DYSF: variants seen among roughly 807,000 people sequenced by gnomAD.
DYSF encodes the protein dystrophy-associated fer-1-like 1.
Under a neutral mutation model 274.9 loss-of-function variants are expected in DYSF, and 212 were observed. That is an observed-to-expected ratio of 0.77 (90% CI 0.69 to 0.86). The LOEUF (loss-of-function observed/expected upper bound fraction) is 0.86, where lower values mean the gene tolerates loss of function less well. Ranked by LOEUF, DYSF falls within the 40% of genes least tolerant of loss-of-function variation. The pLI is 0.00. For synonymous variants in DYSF, 1,091 were observed against 1,078.7 expected, an observed-to-expected ratio of 1.01 and a Z score of -0.22; for missense variants, 2,666 against 2,783.2, an observed-to-expected ratio of 0.96 and a Z score of 0.95.
chr2:71,480,458 G>A (rs1421773878), intron 1 of DYSF, among the ~76,000 whole-genome samples: 1 of 152,104 alleles, frequency 6.6e-6, no homozygotes, highest in African/African-American at 2.4e-5. Context: ...AGAGCCTGAG[G>A]TGAGAGGATA....
intron 36 of DYSF, among the ~76,000 whole-genome samples, chr2:71,608,679 A>T (rs1316469746): frequency 6.6e-6 from 1 of 152,098 alleles, no homozygotes; most frequent in East Asian, 1.9e-4. Flanking sequence ...AGGCTCCTGA[A>T]GATGCGGAGC....
At chr2:71,674,495 G>C (rs1162198180) in intron 52 of DYSF, among the ~76,000 whole-genome samples, 199 bp downstream of exon 52, 1 of 152,210 alleles carries the variant, frequency 6.6e-6, no homozygotes, top group Admixed American at 6.5e-5. Context: ...AGTGATTGGT[G>C]GCCACTGAGG....
chr2:71,655,397 A>G (rs1340049890), intron 42 of DYSF, among the ~76,000 whole-genome samples: 2 of 152,228 alleles, frequency 1.3e-5, no homozygotes, highest in Non-Finnish European at 2.9e-5. Flanking sequence ...ATGAGAAATA[A>G]TATTTGGAAA....
At chr2:71,495,729 G>C (rs746031624) in intron 3 of DYSF, among the ~76,000 whole-genome samples, 12 of 152,094 alleles carry the variant, frequency 7.9e-5, no homozygotes, top group Non-Finnish European at 1.5e-4. Flanking sequence ...CCCCAGCCCT[G>C]GTTCCTGCAC....
chr2:71,618,288 G>GA (rs2093971418), intron 40 of DYSF, among the ~76,000 whole-genome samples: 1 of 118,284 alleles, frequency 8.5e-6, no homozygotes, highest in Non-Finnish European at 1.8e-5. Context: ...TGGTAGAGGT[G>GA]TGTGTGTGGT....
At chr2:71,482,487 G>A (rs910190536) in intron 3 of DYSF, among the ~76,000 whole-genome samples, 4 of 152,130 alleles carry the variant, frequency 2.6e-5, no homozygotes, top group African/African-American at 9.7e-5. Context: ...CGGCCTGGGC[G>A]CTTCCCTGTG....
chr2:71,647,705 G>A (rs1558719114), intron 42 of DYSF, among the ~76,000 whole-genome samples: 1 of 152,190 alleles, frequency 6.6e-6, no homozygotes, highest in Non-Finnish European at 1.5e-5. Context: ...ATCTCAGAAA[G>A]CCTAGCAAAA....
intron 15 of DYSF, 29 bp downstream of exon 15, chr2:71,535,118 G>A (rs1334133863): frequency 6.2e-7 from 1 of 1,613,652 alleles, no homozygotes; most frequent in Non-Finnish European, 8.5e-7. Context: ...GCAAACCCAA[G>A]GAGGCCCCTG....
chr2:71,526,415 C>CGGGGGGGGGGGGGGGGGG, intron 13 of DYSF, 69 bp downstream of exon 13: 2 of 411,238 alleles, frequency 4.9e-6, no homozygotes, highest in East Asian at 8.3e-5. Context: ...TGGGGGTGGG[C>CGGGGGGGGGGGGGGGGGG]GATGGCGGGC....
intron 1 of DYSF, among the ~76,000 whole-genome samples, chr2:71,457,957 T>C (rs1026269791): frequency 6.6e-6 from 1 of 152,072 alleles, no homozygotes; most frequent in Non-Finnish European, 1.5e-5. Context: ...GGCGGGGGGC[T>C]CAGAAGAGCG....
chr2:71,456,198 T>A lies in DYSF; in HGVS notation c.88+2112T>A, dbSNP rs565707725. ...AGGGCCCAGAGCACACAGCTCACCT[T>A]GGGGAAAGGAAGTACATTTTCTGTG... On this transcript the variant is annotated intron_variant, in intron 1 of 54. Transcript: ENST00000258104. 3.9e-5 allele frequency among the ~76,000 whole-genome samples: 6 copies of A among 152,004 alleles called. No homozygotes were observed. The East Asian group carries it at 1.2e-3, about 30-fold the overall frequency.
intron 1 of DYSF, chr2:71,454,196 GC>G (rs1558905627): frequency 1.8e-6 from 2 of 1,114,702 alleles, no homozygotes; most frequent in Non-Finnish European, 1.3e-6. Context: ...AGACTTTCTG[GC>G]CCCGCCAGAC....
chr2:71,646,305 G>A (rs2094566734), intron 42 of DYSF, among the ~76,000 whole-genome samples: 1 of 152,244 alleles, frequency 6.6e-6, no homozygotes, highest in South Asian at 2.1e-4. Context: ...CTGCCAGGGT[G>A]GCCCATGGCC....
At chr2:71,672,120 A>T (rs1327192878) in intron 51 of DYSF, among the ~76,000 whole-genome samples, 1 of 150,164 alleles carries the variant, frequency 6.7e-6, no homozygotes, top group African/African-American at 2.5e-5. Context: ...GAGGCTGAGA[A>T]ACAGAAACAG....
intron 1 of DYSF, among the ~76,000 whole-genome samples, chr2:71,480,367 TAC>T (rs35040279): frequency 4.0e-5 from 6 of 149,952 alleles, no homozygotes; most frequent in African/African-American, 9.8e-5. Flanking sequence ...GGCCCCCGTC[TAC>T]ACACACACAC....
chr2:71,584,406 G>T (rs952586567), intron 30 of DYSF, among the ~76,000 whole-genome samples: 1 of 152,112 alleles, frequency 6.6e-6, no homozygotes, highest in Admixed American at 6.5e-5. Flanking sequence ...TCCTGAAGGG[G>T]CTTCCAAAGG....
At chr2:71,657,538 C>G (rs2094796441) in intron 43 of DYSF, among the ~76,000 whole-genome samples, 1 of 152,224 alleles carries the variant, frequency 6.6e-6, no homozygotes, top group Admixed American at 6.5e-5. Context: ...CAGAGGTTCT[C>G]CATAAGGGCC....
At chr2:71,466,132 C>T (rs374236812), upstream of DYSF, among the ~76,000 whole-genome samples, 1 of 152,174 alleles carries the variant, frequency 6.6e-6, no homozygotes, top group African/African-American at 2.4e-5. Flanking sequence ...GAACGGCCAC[C>T]TAGACAGCCT....
intron 48 of DYSF, among the ~76,000 whole-genome samples, 186 bp from the exon 49 acceptor site, chr2:71,668,567 AG>A: frequency 6.6e-6 from 1 of 152,158 alleles, no homozygotes; most frequent in African/African-American, 2.4e-5. Context: ...GGCCCAAGTC[AG>A]AGGCCTGTGG....
Sources: gnomAD v4.1 joint callset for allele counts (sites outside exome capture counted in the v4.1 genomes callset) on GRCh38, gnomAD v4.1.1 for gene constraint, MANE v1.5 for transcripts, NCBI Gene and HGNC (gene_info 2026-07-23, HGNC 2026-07-21) for gene names.